The following GNAI3 variants were observed in gnomAD, a reference collection of about 807,000 sequenced individuals.
GNAI3 encodes the protein guanine nucleotide-binding protein G(i) subunit alpha-3.
GNAI3 carries 12 observed loss-of-function variants against 41.8 expected under a neutral mutation model. The observed-to-expected ratio is 0.29, with a 90% CI of 0.18 to 0.47. GNAI3 has a LOEUF of 0.47. Among genes scored for constraint, GNAI3 ranks in the 20% least tolerant of loss-of-function variants. The pLI, the probability that GNAI3 is intolerant of heterozygous loss-of-function variation, is 1.00. For synonymous variants in GNAI3, 132 were observed against 146.5 expected (o/e 0.90, Z 0.71); for missense variants, 360 against 429.6 (o/e 0.84, Z 1.43).
At chr1:109,548,924 G>C in intron 1 of GNAI3, 86 bp downstream of exon 1, 1 of 845,608 alleles carries the variant, frequency 1.2e-6, no homozygotes, top group Non-Finnish European at 1.9e-6. Flanking sequence ...CGGGCCGACG[G>C]AAAGGACCCT....
intron 4 of GNAI3, among the ~76,000 whole-genome samples, chr1:109,581,529 C>T (rs1231626373): frequency 6.6e-6 from 1 of 152,090 alleles, no homozygotes; most frequent in Non-Finnish European, 1.5e-5. Context: ...TTAATAAGAA[C>T]ATTTCCTGTT....
intron 1 of GNAI3, among the ~76,000 whole-genome samples, chr1:109,557,827 A>G (rs1470477469): frequency 2.0e-5 from 3 of 152,120 alleles, no homozygotes; most frequent in Non-Finnish European, 1.5e-5. Flanking sequence ...CCAGTCATGT[A>G]TGGTTGGGTA....
At position 109,548,653 on chromosome 1, in the gene GNAI3, A is replaced by G. The variant is rs1647890127; in HGVS notation, c.-68A>G. ...ACCGCCCAGCAATAGACGGTGCCTC[A>G]GCCTGCCGAGCCGCAGTTTCCGTGG... On this transcript the variant is annotated 5_prime_UTR_variant, in exon 1 of 9. Coordinates refer to ENST00000369851, the MANE Select transcript of GNAI3 (RefSeq NM_006496.4). The G allele has an allele frequency of 2.7e-6, 3 of 1,119,436 alleles. No individual in the cohort carries two copies. Among genetic ancestry groups the G allele is most frequent in the African/African-American group, 1.5e-5 (1 of 65,652 alleles). 69.3% of individuals were successfully genotyped at this position (1,119,436 alleles called of 1,614,324 possible).
Position 109,598,849 on chromosome 1 carries a change from T to G in GNAI3, c.*6527T>G, listed in dbSNP as rs780143849. ...ACCAGAGGCTCTGTCACACTTGCAG[T>G]CCCTGGCCCAACACCGAAATCCTTC... On this transcript the variant is annotated 3_prime_UTR_variant, in exon 9 of 9. Coordinates refer to ENST00000369851, the MANE Select transcript of GNAI3 (RefSeq NM_006496.4). The G allele has an allele frequency of 1.9e-6, 1 of 532,600 alleles. No individual in the cohort carries two copies. The highest frequency in any genetic ancestry group is 1.9e-5 in the African/African-American group (1 of 51,932). 33.0% of individuals were successfully genotyped at this position (532,600 alleles called of 1,614,324 possible). A position where few individuals can be genotyped will look rare whatever the true frequency, so the allele number is the denominator to read the frequency against.
intron 1 of GNAI3, among the ~76,000 whole-genome samples, chr1:109,565,001 G>A (rs886240104): frequency 1.3e-5 from 2 of 151,998 alleles, no homozygotes; most frequent in African/African-American, 4.8e-5. Flanking sequence ...GGTGGCTCAC[G>A]CTTGTAATCC....
intron 1 of GNAI3, among the ~76,000 whole-genome samples, chr1:109,568,553 AAAAC>A (rs759308320): frequency 2.0e-4 from 31 of 152,292 alleles, no homozygotes; most frequent in Non-Finnish European, 3.8e-4. Flanking sequence ...CTCAAAACAA[AAAAC>A]AAACAAACAA....
At chr1:109,562,313 ATGTG>A (rs985580704) in intron 1 of GNAI3, among the ~76,000 whole-genome samples, 14 of 152,208 alleles carry the variant, frequency 9.2e-5, no homozygotes, top group African/African-American at 2.9e-4. Flanking sequence ...GTACAGCAGA[ATGTG>A]TGTAGGTTAT....
chr1:109,568,216 C>T (rs1293250945), intron 1 of GNAI3, among the ~76,000 whole-genome samples: 3 of 151,998 alleles, frequency 2.0e-5, no homozygotes, highest in Non-Finnish European at 4.4e-5. Context: ...CTGGTACCTG[C>T]TCAGAGATCT....
chr1:109,576,149 A>C (rs1474554878), intron 3 of GNAI3, among the ~76,000 whole-genome samples: 1 of 151,692 alleles, frequency 6.6e-6, no homozygotes, highest in East Asian at 1.9e-4. Flanking sequence ...GCTCACTGCA[A>C]CCTCTGCCTC....
Position 109,597,718 on chromosome 1 carries a change from A to T in GNAI3, c.*5396A>T, listed in dbSNP as rs1010267087. ...CCTAGGATGTCCAAACATTCATTTCATTTATTTTACTGCATTTATTTATGC... is the reference window on the plus strand; with the variant it reads ...CCTAGGATGTCCAAACATTCATTTCTTTTATTTTACTGCATTTATTTATGC... On this transcript the variant is annotated 3_prime_UTR_variant, in exon 9 of 9. Transcript: ENST00000369851. 6.6e-6 allele frequency: 1 copy of T among 152,352 alleles called. No homozygotes were observed. The highest frequency in any genetic ancestry group is 6.5e-5 in the Admixed American group (1 of 15,306). The allele number at this position is 152,352 out of a possible 1,614,324, so 9.4% of individuals were successfully genotyped here.
At position 109,548,639 on chromosome 1, in the gene GNAI3, A is replaced by C; in HGVS notation, c.-82A>C. The C allele has an allele frequency of 1.1e-6, 1 of 930,414 alleles. No homozygotes were observed. Among genetic ancestry groups the C allele is most frequent in the Non-Finnish European group, 1.7e-6 (1 of 578,198 alleles). The allele number at this position is 930,414 out of a possible 1,614,324, so 57.6% of individuals were successfully genotyped here. On this transcript the variant is annotated 5_prime_UTR_variant, in exon 1 of 9. Transcript: ENST00000369851. ...TGACGGAGAGGGCCACCGCCCAGCA[A>C]TAGACGGTGCCTCAGCCTGCCGAGC... is the stretch of plus-strand genomic sequence containing the variant.
chr1:109,585,095 C>A (rs1303497097), intron 5 of GNAI3, among the ~76,000 whole-genome samples: 1 of 152,214 alleles, frequency 6.6e-6, no homozygotes, highest in African/African-American at 2.4e-5. Flanking sequence ...GGGAAAACAT[C>A]TCTGGAAATG....
chr1:109,573,830 TA>T, intron 2 of GNAI3, 51 bp downstream of exon 2: 1 of 1,589,840 alleles, frequency 6.3e-7, no homozygotes, highest in Admixed American at 1.7e-5. Context: ...CTAATGCATA[TA>T]AAGTCCATAG....
At position 109,586,241 on chromosome 1, in the gene GNAI3, T is replaced by A. The variant is rs1649029734; in HGVS notation, c.616T>A (p.Ser206Thr). Residue 206 changes from serine to threonine, a missense_variant, in exon 6 of 9, where the codon TCA becomes ACA. Physicochemically the swap from Ser to Thr is moderately conservative, Grantham distance 58. Coordinates refer to ENST00000369851, the MANE Select transcript of GNAI3 (RefSeq NM_006496.4). ...FKMFDVGGQR[S>T]ERKKWIHCFE... ...GATGTTTGATGTAGGTGGCCAAAGA[T>A]CAGAACGAAAAAAGTGGATTCACTG... The A allele has an allele frequency of 6.2e-7, 1 of 1,613,490 alleles. No individual in the cohort carries two copies. The highest frequency in any genetic ancestry group is 8.5e-7 in the Non-Finnish European group (1 of 1,179,692).
chr1:109,581,936 A>C (rs778342749), intron 4 of GNAI3, among the ~76,000 whole-genome samples: 1 of 152,030 alleles, frequency 6.6e-6, no homozygotes, highest in Non-Finnish European at 1.5e-5. Flanking sequence ...TACTTTTGTT[A>C]ATATATATAG....
At position 109,574,004 on chromosome 1, in the gene GNAI3, G is replaced by T; in HGVS notation, c.270G>T (p.Arg90=). 5 of 1,611,684 alleles carry T rather than the reference G, an allele frequency of 3.1e-6. No homozygotes were observed. The highest frequency in any genetic ancestry group is 4.2e-6 in the Non-Finnish European group (5 of 1,178,518). The change falls in exon 3 of 9, where the codon CGG becomes CGT. Residue 90 remains arginine, a synonymous_variant. Transcript: ENST00000369851. ...SIIAIIRAMG[R]LKIDFGEAAR... is the part of the protein sequence containing the mutation. ...TTGCAATCATAAGAGCCATGGGACG[G>T]CTAAAGATTGACTTTGGGGAAGCTG...
Position 109,566,366 on chromosome 1 carries a change from T to G in GNAI3, c.119-7371T>G, listed in dbSNP as rs147611818. Among the ~76,000 whole-genome samples the G allele has an allele frequency of 6.5e-3, 995 of 152,324 alleles. 12 individuals carry two copies. Among genetic ancestry groups the G allele is most frequent in the South Asian group, 0.051 (244 of 4,830 alleles). On this transcript the variant is annotated intron_variant, in intron 1 of 8. Transcript: ENST00000369851. ...CCACCAGACCGTAAAGTCCATAAAC[T>G]TATTTGTATTTGAAGTCACCATATT...
chr1:109,559,840 A>C (rs901853406), intron 1 of GNAI3, among the ~76,000 whole-genome samples: 1 of 152,176 alleles, frequency 6.6e-6, no homozygotes, highest in Non-Finnish European at 1.5e-5. Flanking sequence ...TCATTTCTGT[A>C]ATTCAAGCTG....
At chr1:109,588,379 A>AT (rs1649088491) in intron 7 of GNAI3, among the ~76,000 whole-genome samples, 1 of 151,846 alleles carries the variant, frequency 6.6e-6, no homozygotes, top group African/African-American at 2.4e-5. Flanking sequence ...AAAAAAAAAA[A>AT]AAAGATCAGA....
Sources: allele counts gnomAD v4.1 joint callset (sites outside exome capture counted in the v4.1 genomes callset), GRCh38; gene constraint gnomAD v4.1.1; transcripts MANE v1.5; gene names NCBI Gene and HGNC (gene_info 2026-07-23, HGNC 2026-07-21).